MIS18A: variants seen among roughly 807,000 people sequenced by gnomAD.
MIS18A encodes the protein protein Mis18-alpha.
MIS18A carries 14 observed loss-of-function variants against 25.0 expected under a neutral mutation model. The ratio of observed to expected loss-of-function variants is 0.56; its 90% CI spans 0.37 to 0.88. The LOEUF is 0.88. MIS18A is among the 40% of genes least tolerant of loss of function. MIS18A has a pLI of 0.00. For missense variants in MIS18A, 292 were observed against 290.8 expected, an observed-to-expected ratio of 1.00 and a Z score of -0.03; for synonymous variants, 134 against 118.6, an observed-to-expected ratio of 1.13 and a Z score of -0.84.
chr21:32,216,698 G>C, the MIS18A span, among the ~76,000 whole-genome samples: 1 of 152,218 alleles, frequency 6.6e-6, no homozygotes, highest in African/African-American at 2.4e-5. Context: ...ACCTGAGAAG[G>C]GCTGGCTGAC....
At chr21:32,206,528 G>T in the MIS18A span, among the ~76,000 whole-genome samples, 1 of 152,152 alleles carries the variant, frequency 6.6e-6, no homozygotes, top group Non-Finnish European at 1.5e-5. Context: ...GAGGGAAAAA[G>T]CATCCTATTT....
chr21:32,219,458 T>C, the MIS18A span, among the ~76,000 whole-genome samples: 2 of 152,170 alleles, frequency 1.3e-5, no homozygotes, highest in African/African-American at 2.4e-5. Context: ...GATACTATGC[T>C]TTTCCCACGG....
At chr21:32,238,260 T>G in the MIS18A span, among the ~76,000 whole-genome samples, 3 of 152,188 alleles carry the variant, frequency 2.0e-5, no homozygotes, top group Non-Finnish European at 4.4e-5. Context: ...TTAGTTAGGA[T>G]AGGATAGGTT....
chr21:32,231,229 C>T, the MIS18A span, among the ~76,000 whole-genome samples: 1 of 144,684 alleles, frequency 6.9e-6, no homozygotes. Context: ...CAGCGAGACC[C>T]TGTCTCGAAA....
the MIS18A span, among the ~76,000 whole-genome samples, chr21:32,250,160 A>G: frequency 1.3e-5 from 2 of 152,114 alleles, no homozygotes; most frequent in Non-Finnish European, 2.9e-5. Context: ...AACCTAGTTC[A>G]ACCCTGATTC....
At chr21:32,169,674 G>A in the MIS18A span, among the ~76,000 whole-genome samples, 1 of 151,716 alleles carries the variant, frequency 6.6e-6, no homozygotes, top group Non-Finnish European at 1.5e-5. Flanking sequence ...GATATACCCC[G>A]ACACACACAC....
downstream of MIS18A, among the ~76,000 whole-genome samples, chr21:32,267,946 C>T (rs375911814): frequency 6.6e-6 from 1 of 152,310 alleles, no homozygotes; most frequent in African/African-American, 2.4e-5. Flanking sequence ...CTGCATGATC[C>T]AGTCAATGTG....
chr21:32,217,901 A>T, the MIS18A span, among the ~76,000 whole-genome samples: 51 of 152,244 alleles, frequency 3.3e-4, no homozygotes, highest in Non-Finnish European at 5.9e-5. Flanking sequence ...AGACATCAAG[A>T]TAAACAAATA....
Position 32,268,953 on chromosome 21 carries a change from T to A in MIS18A, c.*84A>T. 1.0e-6 allele frequency: 1 copy of A among 954,446 alleles called. No homozygotes were observed. The highest frequency in any genetic ancestry group is 1.5e-6 in the Non-Finnish European group (1 of 646,170). 59.1% of individuals were successfully genotyped at this position (954,446 alleles called of 1,614,324 possible). A position where few individuals can be genotyped will look rare whatever the true frequency, so the allele number is the denominator to read the frequency against. On this transcript the variant is annotated 3_prime_UTR_variant, in exon 5 of 5. Transcript: ENST00000290130. ...AATTTTTTTTTTCTTTTTTTTTTTG[T>A]AGAGACGACGTCTCACTATGTTGCT...
At chr21:32,161,776 G>A in the MIS18A span, among the ~76,000 whole-genome samples, 2 of 150,734 alleles carry the variant, frequency 1.3e-5, no homozygotes, top group African/African-American at 4.9e-5. Flanking sequence ...ACAGGCATGA[G>A]CCACTGCACC....
chr21:32,165,287 G>A, the MIS18A span, among the ~76,000 whole-genome samples: 19 of 151,960 alleles, frequency 1.3e-4, no homozygotes, highest in Admixed American at 3.9e-4. Context: ...TGGCGCCACC[G>A]CACTCCAACC....
At chr21:32,167,963 C>T in the MIS18A span, among the ~76,000 whole-genome samples, 1 of 152,166 alleles carries the variant, frequency 6.6e-6, no homozygotes, top group Non-Finnish European at 1.5e-5. Flanking sequence ...CCCCAAAATT[C>T]TCATGGTGAA....
chr21:32,157,568 CCAATCTA>C, the MIS18A span, among the ~76,000 whole-genome samples: 1 of 151,722 alleles, frequency 6.6e-6, no homozygotes, highest in Non-Finnish European at 1.5e-5. Flanking sequence ...CTAAATGATA[CCAATCTA>C]CAAAGTGGAA....
the MIS18A span, among the ~76,000 whole-genome samples, chr21:32,247,697 G>A: frequency 2.0e-5 from 3 of 152,190 alleles, no homozygotes; most frequent in African/African-American, 4.8e-5. Flanking sequence ...CATACATGGA[G>A]GAAAAATGTG....
intron 4 of MIS18A, 84 bp from the exon 5 acceptor site, chr21:32,269,201 C>T: frequency 2.0e-6 from 2 of 1,017,332 alleles, no homozygotes; most frequent in Non-Finnish European, 1.4e-6. Context: ...AAGATATACA[C>T]TTAATGCAAT....
chr21:32,239,680 T>C, the MIS18A span, among the ~76,000 whole-genome samples: 1 of 152,150 alleles, frequency 6.6e-6, no homozygotes, highest in Non-Finnish European at 1.5e-5. Flanking sequence ...TATAATATTC[T>C]GACCACAGAA....
At chr21:32,233,358 G>C in the MIS18A span, among the ~76,000 whole-genome samples, 2 of 152,124 alleles carry the variant, frequency 1.3e-5, no homozygotes, top group African/African-American at 4.8e-5. Flanking sequence ...AAAAGAAATA[G>C]CAAATTAATT....
At chr21:32,176,582 G>A in the MIS18A span, among the ~76,000 whole-genome samples, 1 of 152,090 alleles carries the variant, frequency 6.6e-6, no homozygotes. Context: ...TAAAGAGGGG[G>A]AATTTATAGC....
At chr21:32,172,393 GTGTC>G in the MIS18A span, among the ~76,000 whole-genome samples, 1 of 152,120 alleles carries the variant, frequency 6.6e-6, no homozygotes, top group South Asian at 2.1e-4. Context: ...AACATCCTAA[GTGTC>G]TGTCAACAGA....
Sources: gnomAD v4.1 joint callset for allele counts (sites outside exome capture counted in the v4.1 genomes callset) on GRCh38, gnomAD v4.1.1 for gene constraint, MANE v1.5 for transcripts, NCBI Gene and HGNC (gene_info 2026-07-23, HGNC 2026-07-21) for gene names.